RASGEF1C: variants seen among roughly 807,000 people sequenced by gnomAD.
The protein encoded by RASGEF1C is RasGEF domain family member 1C.
A neutral mutation model predicts 58.1 loss-of-function variants in RASGEF1C; 27 were observed. The ratio of observed to expected loss-of-function variants is 0.46; its 90% CI spans 0.34 to 0.64. The LOEUF is 0.64. RASGEF1C is among the 30% of genes least tolerant of loss of function. The pLI is 0.01. For missense variants in RASGEF1C, 502 were observed against 605.1 expected (o/e 0.83, Z 1.79); for synonymous variants, 243 against 246.3 (o/e 0.99, Z 0.13).
At chr5:180,120,942 T>A in intron 7 of RASGEF1C, 118 bp downstream of exon 7, 2 of 713,336 alleles carry the variant, frequency 2.8e-6, no homozygotes, top group Non-Finnish European at 5.0e-6. Context: ...AGCCTGGCCT[T>A]GGACTTAGAA....
chr5:180,176,439 G>A (rs190180830), intron 1 of RASGEF1C, among the ~76,000 whole-genome samples: 140 of 152,354 alleles, frequency 9.2e-4, no homozygotes, highest in Non-Finnish European at 1.4e-3. Context: ...GGCAGGCCCC[G>A]CGCCATCCAT....
At chr5:180,140,111 G>A (rs1041559808) in intron 1 of RASGEF1C, among the ~76,000 whole-genome samples, 1 of 152,180 alleles carries the variant, frequency 6.6e-6, no homozygotes, top group Non-Finnish European at 1.5e-5. Flanking sequence ...CAGGTGCTGG[G>A]CACATGGGAG....
At chr5:180,185,093 C>T (rs1021220484) in intron 1 of RASGEF1C, among the ~76,000 whole-genome samples, 5 of 150,872 alleles carry the variant, frequency 3.3e-5, no homozygotes, top group African/African-American at 1.2e-4. Flanking sequence ...GAGATTGAGA[C>T]CATCCTGGCT....
intron 4 of RASGEF1C, among the ~76,000 whole-genome samples, chr5:180,130,769 T>C (rs1469350319): frequency 6.6e-6 from 1 of 152,180 alleles, no homozygotes; most frequent in Non-Finnish European, 1.5e-5. Flanking sequence ...CTTCTCACTC[T>C]TACTTAGCTC....
chr5:180,202,434 A>G (rs1756410300), intron 1 of RASGEF1C, among the ~76,000 whole-genome samples: 2 of 152,350 alleles, frequency 1.3e-5, no homozygotes, highest in African/African-American at 4.8e-5. Flanking sequence ...TTCCAAGAGA[A>G]TGCCTAGTAA....
intron 4 of RASGEF1C, among the ~76,000 whole-genome samples, chr5:180,133,382 G>A (rs1028496977): frequency 1.3e-5 from 2 of 152,186 alleles, no homozygotes; most frequent in African/African-American, 4.8e-5. Context: ...CTGTCACTCT[G>A]ATGGGGAGCC....
intron 6 of RASGEF1C, 138 bp from the exon 7 acceptor site, chr5:180,121,287 G>T: frequency 1.6e-6 from 1 of 636,660 alleles, no homozygotes; most frequent in East Asian, 2.8e-5. Context: ...CAAAGATTTG[G>T]TATGTACGCT....
intron 6 of RASGEF1C, among the ~76,000 whole-genome samples, chr5:180,127,280 A>AG (rs1561736622): frequency 6.6e-6 from 1 of 151,320 alleles, no homozygotes; most frequent in Non-Finnish European, 1.5e-5. Flanking sequence ...GGAGCGCGCC[A>AG]GGGGGCCCTC....
At chr5:180,179,978 G>A (rs1443496749) in intron 1 of RASGEF1C, among the ~76,000 whole-genome samples, 1 of 152,212 alleles carries the variant, frequency 6.6e-6, no homozygotes, top group Non-Finnish European at 1.5e-5. Flanking sequence ...CAAAGGAAAG[G>A]AAGGACCGGG....
chr5:180,128,442 T>C lies in RASGEF1C; in HGVS notation c.607A>G (p.Thr203Ala), dbSNP rs1766301938. ...ACGTGGGTCAGCTGCTGGGCCAGTG[T>C]GTAGGGGTCGCTGCAGACACCAAGG... is the stretch of plus-strand genomic sequence containing the variant. ...ELLGVCSDPY[T>A]LAQQLTHVEL... The change falls in exon 5 of 14, where the codon ACA (threonine) becomes GCA (alanine). Residue 203 changes from threonine to alanine, a missense_variant. Physicochemically the swap from Thr to Ala is moderately conservative, Grantham distance 58. Coordinates refer to ENST00000361132, the MANE Select transcript of RASGEF1C (RefSeq NM_175062.4). 2 of 1,613,780 alleles carry C rather than the reference T, an allele frequency of 1.2e-6. No individual in the cohort carries two copies. The highest frequency in any genetic ancestry group is 1.7e-6 in the Non-Finnish European group (2 of 1,179,946).
chr5:180,194,615 G>A (rs1756232272), intron 1 of RASGEF1C, among the ~76,000 whole-genome samples: 1 of 152,208 alleles, frequency 6.6e-6, no homozygotes, highest in Non-Finnish European at 1.5e-5. Flanking sequence ...AGCACAGCCC[G>A]CTGGTCGGAA....
rs550048164 is a variant in RASGEF1C at position 180,143,516 on chromosome 5, G to A, written c.-6-5458C>T. 1.3e-5 allele frequency among the ~76,000 whole-genome samples: 2 copies of A among 152,320 alleles called. No homozygotes were observed. The highest frequency in any genetic ancestry group is 2.4e-5 in the African/African-American group (1 of 41,576). ...AAGGGCCCTGCTGTTCCTCCTCAGC[G>A]TGGGGCTGGCAGAAGGTGGGCCGGC... On this transcript the variant is annotated intron_variant, in intron 1 of 13. Transcript: ENST00000361132. This position sits in a 1 kb window ranked among gnomAD's most constrained non-coding sequence, Gnocchi z 4.3.
chr5:180,118,367 T>G (rs1766105825), intron 10 of RASGEF1C, among the ~76,000 whole-genome samples: 1 of 152,042 alleles, frequency 6.6e-6, no homozygotes, highest in Non-Finnish European at 1.5e-5. Context: ...CAAGAAAGGA[T>G]GACCCCAGGC....
intron 1 of RASGEF1C, among the ~76,000 whole-genome samples, chr5:180,184,744 A>G (rs1486843106): frequency 3.3e-5 from 5 of 152,234 alleles, no homozygotes; most frequent in African/African-American, 4.8e-5. Flanking sequence ...TGGTATGTCT[A>G]TAATTATTTT....
Position 180,192,908 on chromosome 5 carries a change from C to T in RASGEF1C, c.-7+16120G>A, listed in dbSNP as rs187530672. Among the ~76,000 whole-genome samples the T allele has an allele frequency of 3.1e-3, 474 of 150,708 alleles. 5 individuals carry two copies. Among genetic ancestry groups the T allele is most frequent in the Middle Eastern group, 0.017 (5 of 294 alleles). On this transcript the variant is annotated intron_variant, in intron 1 of 13. Transcript: ENST00000361132. ...TACAGGTGCCCACCACCACGCCCAG[C>T]TAATTTTTTGTATTTTTAGTAGAGA...
At position 180,163,487 on chromosome 5, in the gene RASGEF1C, T is replaced by C. The variant is rs558721651; in HGVS notation, c.-6-25429A>G. On this transcript the variant is annotated intron_variant, in intron 1 of 13. Transcript: ENST00000361132. ...ATGTTAAATTTCCCTTGAGACTTCCTTTCTTACCTATTGTTCAATGCTTTT... is the reference window on the plus strand; with the variant it reads ...ATGTTAAATTTCCCTTGAGACTTCCCTTCTTACCTATTGTTCAATGCTTTT... Among the ~76,000 whole-genome samples the C allele has an allele frequency of 3.9e-5, 6 of 152,202 alleles. No homozygotes were observed. In the East Asian group the frequency reaches 9.6e-4, roughly 24 times the overall value.
Position 180,137,112 on chromosome 5 carries a change from C to T in RASGEF1C, c.300+478G>A, listed in dbSNP as rs1766494809. 6.6e-6 allele frequency among the ~76,000 whole-genome samples: 1 copy of T among 152,168 alleles called. No homozygotes were observed. Among genetic ancestry groups the T allele is most frequent in the Non-Finnish European group, 1.5e-5 (1 of 68,036 alleles). On this transcript the variant is annotated intron_variant, in intron 3 of 13. Coordinates refer to ENST00000361132, the MANE Select transcript of RASGEF1C (RefSeq NM_175062.4). This position sits in a 1 kb window ranked among gnomAD's most constrained non-coding sequence, Gnocchi z 4.1. Reference sequence around the variant, plus strand: ...GCAGTGCTGTGGTGTGAGGCCCGAGCCAGCGGTCCCTGAGATAGGGCAGGT... The same window carrying T: ...GCAGTGCTGTGGTGTGAGGCCCGAGTCAGCGGTCCCTGAGATAGGGCAGGT...
intron 12 of RASGEF1C, among the ~76,000 whole-genome samples, chr5:180,109,488 A>C (rs1765926622): frequency 1.3e-5 from 2 of 152,186 alleles, no homozygotes; most frequent in African/African-American, 4.8e-5. Flanking sequence ...ATTAGGTTGA[A>C]TAATGGTCCC....
At chr5:180,150,171 T>C (rs541860390) in intron 1 of RASGEF1C, among the ~76,000 whole-genome samples, 4 of 152,362 alleles carry the variant, frequency 2.6e-5, no homozygotes, top group Admixed American at 2.6e-4. Flanking sequence ...TGAATACCTC[T>C]AGTGAATTTT....
Sources: gnomAD v4.1 joint callset for allele counts (sites outside exome capture counted in the v4.1 genomes callset) on GRCh38, gnomAD v4.1.1 for gene constraint, Gnocchi (gnomAD v3.1) non-coding constraint, MANE v1.5 for transcripts, NCBI Gene and HGNC (gene_info 2026-07-23, HGNC 2026-07-21) for gene names.